NPRL3: variants seen among roughly 807,000 people sequenced by gnomAD.
NPRL3 encodes NPR3 like, GATOR1 complex subunit, also known as GATOR1 complex protein NPRL3.
A neutral mutation model predicts 57.2 loss-of-function variants in NPRL3; 23 were observed. The observed-to-expected ratio is 0.40, with a 90% CI of 0.29 to 0.57. The LOEUF (loss-of-function observed/expected upper bound fraction) is 0.57. Ranked by LOEUF, NPRL3 falls within the 20% of genes least tolerant of loss-of-function variation. NPRL3 has a pLI of 0.42. For synonymous variants in NPRL3, 333 were observed against 321.1 expected (o/e 1.04, Z -0.39); for missense variants, 691 against 767.1 (o/e 0.90, Z 1.17).
chr16:124,373 T>C (rs72763663), intron 3 of NPRL3, among the ~76,000 whole-genome samples: 6,228 of 152,164 alleles, frequency 0.041, 182 homozygotes, highest in Middle Eastern at 0.1. Context: ...TTTTTCTTTT[T>C]TTTCTTCAAA....
At chr16:128,871 G>A (rs181069198) in intron 3 of NPRL3, among the ~76,000 whole-genome samples, 94 of 152,260 alleles carry the variant, frequency 6.2e-4, no homozygotes, top group Non-Finnish European at 2.2e-4. Context: ...AGGGGCTTGC[G>A]GGCCTACGTG....
chr16:112,716 G>A lies in NPRL3; in HGVS notation c.453C>T (p.Thr151=), dbSNP rs558045556. The change falls in exon 6 of 14, where the codon ACC becomes ACT. Residue 151 remains threonine (T), a synonymous_variant. Coordinates refer to ENST00000611875, the MANE Select transcript of NPRL3 (RefSeq NM_001077350.3). ...AGCGGCGCTCCTCGTGCTGCAGCAC[G>A]GTGGCGATACGACGGGACAGGTTAT... ...CLHNLSRRIA[T]VLQHEERRCQ... 18 of 1,612,232 alleles carry A rather than the reference G, an allele frequency of 1.1e-5. No individual in the cohort carries two copies. The highest frequency in any genetic ancestry group is 4.0e-5 in the African/African-American group (3 of 75,044).
chr16:92,395 A>G (rs1898797647), intron 11 of NPRL3, among the ~76,000 whole-genome samples: 1 of 152,190 alleles, frequency 6.6e-6, no homozygotes, highest in South Asian at 2.1e-4. Context: ...GTGTTGGGTC[A>G]CTGGCCAAGC....
In NPRL3 at chr16:118,084, G is replaced by A. The variant is rs375497595; in HGVS notation, c.319-709C>T. 2.4e-4 allele frequency among the ~76,000 whole-genome samples: 36 copies of A among 152,342 alleles called. 1 individual carries two copies. The South Asian group carries it at 6.8e-3, about 29-fold the overall frequency. On this transcript the variant is annotated intron_variant, in intron 4 of 13. Transcript: ENST00000611875. ...ACTGTGCCCCAGCTGTGGAGGCTGTGATGAGAAGGGAGGGTGCGGTACAGG... is the reference window on the plus strand; with the variant it reads ...ACTGTGCCCCAGCTGTGGAGGCTGTAATGAGAAGGGAGGGTGCGGTACAGG...
rs979345384 is a variant in NPRL3 at position 117,353 on chromosome 16, G to A, written c.341C>T (p.Pro114Leu). Residue 114 changes from proline (P) to leucine (L), a missense_variant, in exon 5 of 14, where the codon CCG (proline) becomes CTG (leucine). Physicochemically the swap from Pro to Leu is moderately conservative, Grantham distance 98 (BLOSUM62 -3). Coordinates refer to ENST00000611875, the MANE Select transcript of NPRL3 (RefSeq NM_001077350.3). ...LGQISKTDPSPKREAPTMILF... is the reference protein window; with the variant it reads ...LGQISKTDPSLKREAPTMILF... Reference sequence around the variant, plus strand: ...AATCATAGTAGGTGCTTCCCTCTTCGGGGAAGGATCTGTTTTGGAGATCTG... The same window carrying A: ...AATCATAGTAGGTGCTTCCCTCTTCAGGGAAGGATCTGTTTTGGAGATCTG... 6.8e-6 allele frequency: 11 copies of A among 1,610,212 alleles called. No homozygotes were observed. The highest frequency in any genetic ancestry group is 2.2e-5 in the South Asian group (2 of 90,684).
intron 2 of NPRL3, 25 bp downstream of exon 2, chr16:138,108 CGGCCCCCGCGAGCGCCA>C (rs747691748): frequency 2.7e-6 from 4 of 1,486,212 alleles, no homozygotes; most frequent in Non-Finnish European, 3.7e-6. Context: ...CGGAATGAGG[CGGCCCCCGCGAGCGCCA>C]GGCCCCCGCC....
At position 96,669 on chromosome 16, in the gene NPRL3, A is replaced by T. The variant is rs1008224839; in HGVS notation, c.924+1476T>A. 2.0e-5 allele frequency among the ~76,000 whole-genome samples: 3 copies of T among 150,950 alleles called. No homozygotes were observed. In the East Asian group the frequency reaches 5.8e-4, roughly 29 times the overall value. ...CTACCAAAAAAAAAAAAAAAAAAAA[A>T]ATATTAGCCAGGCGCACACCTGTAG... On this transcript the variant is annotated intron_variant, in intron 9 of 13. Coordinates refer to ENST00000611875, the MANE Select transcript of NPRL3 (RefSeq NM_001077350.3).
At chr16:104,457 G>A (rs1216737119) in intron 7 of NPRL3, among the ~76,000 whole-genome samples, 2 of 152,168 alleles carry the variant, frequency 1.3e-5, no homozygotes, top group Non-Finnish European at 2.9e-5. Flanking sequence ...AGAAATGAGG[G>A]CAGGAGGGTC....
At chr16:131,771 G>A (rs1420568922) in intron 2 of NPRL3, among the ~76,000 whole-genome samples, 1 of 152,034 alleles carries the variant, frequency 6.6e-6, no homozygotes, top group Non-Finnish European at 1.5e-5. Flanking sequence ...AATGACCTCT[G>A]CTACATCTAT....
chr16:90,099 G>A lies in NPRL3; in HGVS notation c.1162-197C>T, dbSNP rs143563244. On this transcript the variant is annotated intron_variant, in intron 11 of 13. Coordinates refer to ENST00000611875, the MANE Select transcript of NPRL3 (RefSeq NM_001077350.3). Reference sequence around the variant, plus strand: ...GCCCGCTCACCCTCCTGGGAAGGGAGAGGGGCCAGGGGAACATCTGGATCA... The same window carrying A: ...GCCCGCTCACCCTCCTGGGAAGGGAAAGGGGCCAGGGGAACATCTGGATCA... 302 of 559,866 alleles carry A rather than the reference G, an allele frequency of 5.4e-4. 1 individual carries two copies. In the African/African-American group the frequency reaches 5.6e-3, roughly 10 times the overall value. The allele number at this position is 559,866 out of a possible 1,614,324, so 34.7% of individuals were successfully genotyped here. A position where few individuals can be genotyped will look rare whatever the true frequency, so the allele number is the denominator to read the frequency against.
intron 4 of NPRL3, among the ~76,000 whole-genome samples, chr16:117,589 C>T (rs1217696300): frequency 2.6e-5 from 4 of 152,212 alleles, no homozygotes; most frequent in African/African-American, 9.6e-5. Flanking sequence ...CCCCCTCGCC[C>T]CCCCGCTAAC....
Position 119,223 on chromosome 16 carries a change from G to A in NPRL3, c.221C>T (p.Ala74Val). 1 of 1,610,684 alleles carries A rather than the reference G, an allele frequency of 6.2e-7. No individual in the cohort carries two copies. The highest frequency in any genetic ancestry group is 8.5e-7 in the Non-Finnish European group (1 of 1,178,284). Residue 74 changes from alanine (A) to valine (V), a missense_variant, in exon 4 of 14, where the codon GCA becomes GTA. By Grantham distance (64) the Ala-to-Val change is moderately conservative. Transcript: ENST00000611875. ...FSDVILATIL[A>V]TKSEMCGQKF... ...TTGGCCACACATTTCAGACTTGGTT[G>A]CCAAAATTGTTGCCAGAATAACATC...
At chr16:88,955 C>G (rs1898633593) in intron 12 of NPRL3, 65 bp from the exon 13 acceptor site, 4 of 1,461,654 alleles carry the variant, frequency 2.7e-6, no homozygotes, top group Non-Finnish European at 3.8e-6. Context: ...ACAGCGAGGG[C>G]AGAGCCAGCA....
At chr16:112,807 C>G in intron 5 of NPRL3, 32 bp from the exon 6 acceptor site, 1 of 1,544,484 alleles carries the variant, frequency 6.5e-7, no homozygotes, top group Non-Finnish European at 8.8e-7. Context: ...CAGACTCAAA[C>G]GTGTGCACAG....
rs899655252 is a variant in NPRL3, at chr16:85,660, C to T, written c.*1045G>A. The T allele has an allele frequency of 6.3e-7, 1 of 1,585,164 alleles. No homozygotes were observed. The highest frequency in any genetic ancestry group is 8.6e-7 in the Non-Finnish European group (1 of 1,161,512). Reference sequence around the variant, plus strand: ...GTGAGCCGGCTGTAGTGGCAGCAGCCCGGGTGGGCGTCGGCCATGCAGGGG... The same window carrying T: ...GTGAGCCGGCTGTAGTGGCAGCAGCTCGGGTGGGCGTCGGCCATGCAGGGG... On this transcript the variant is annotated 3_prime_UTR_variant, in exon 14 of 14. Coordinates refer to ENST00000611875, the MANE Select transcript of NPRL3 (RefSeq NM_001077350.3).
chr16:88,927 T>C, intron 12 of NPRL3, 37 bp from the exon 13 acceptor site: 1 of 1,585,456 alleles, frequency 6.3e-7, no homozygotes, highest in South Asian at 1.1e-5. Flanking sequence ...CAAGTGGAAT[T>C]CCAGGACACC....
Position 110,559 on chromosome 16 carries a change from T to C in NPRL3, c.595A>G (p.Lys199Glu). 2.5e-6 allele frequency: 4 copies of C among 1,612,384 alleles called. No individual in the cohort carries two copies. Among genetic ancestry groups the C allele is most frequent in the Non-Finnish European group, 3.4e-6 (4 of 1,179,210 alleles). The change falls in exon 7 of 14, where the codon AAG becomes GAG. Residue 199 changes from lysine to glutamate, a missense_variant. Physicochemically the swap from Lys to Glu is moderately conservative, Grantham distance 56. Coordinates refer to ENST00000611875, the MANE Select transcript of NPRL3 (RefSeq NM_001077350.3). ...SPFHHILPKC[K>E]LARDLKEAYD... ...GCTTCCTTGAGGTCCCTGGCCAGCT[T>C]GCACTTGGGCAGGATGTGATGGAAT...
At chr16:125,749 T>C (rs1195728192) in intron 3 of NPRL3, 2 of 152,242 alleles carry the variant, frequency 1.3e-5, no homozygotes, top group African/African-American at 2.4e-5. Flanking sequence ...CAGAGGGAAG[T>C]GCCCAAGCCT....
At chr16:127,846 G>A (rs1303982747) in intron 3 of NPRL3, among the ~76,000 whole-genome samples, 4 of 151,210 alleles carry the variant, frequency 2.6e-5, no homozygotes, top group African/African-American at 9.8e-5. Flanking sequence ...AGTAGAGATG[G>A]GGTTTCACCG....
Sources: allele counts gnomAD v4.1 joint callset (sites outside exome capture counted in the v4.1 genomes callset), GRCh38; gene constraint gnomAD v4.1.1; transcripts MANE v1.5; gene names NCBI Gene and HGNC (gene_info 2026-07-23, HGNC 2026-07-21).